Variants in CUBN observed in about 807,000 individuals in gnomAD.
CUBN encodes 460 kDa receptor.
In CUBN, 282 loss-of-function variants were observed where a neutral mutation model predicts 405.3. The observed-to-expected ratio is 0.70, with a 90% CI of 0.63 to 0.77. The LOEUF is 0.77. Among genes scored for constraint, CUBN ranks in the 30% least tolerant of loss-of-function variants. The pLI is 0.00. For synonymous variants in CUBN, 1,684 were observed against 1,617.0 expected, an observed-to-expected ratio of 1.04 and a Z score of -0.99; for missense variants, 4,514 against 4,475.2, an observed-to-expected ratio of 1.01 and a Z score of -0.25.
At position 16,919,765 on chromosome 10, in the gene CUBN, A is replaced by G. The variant is rs560394566; in HGVS notation, c.6821+198T>C. Among the ~76,000 whole-genome samples, 5 of 152,330 alleles carry G rather than the reference A, an allele frequency of 3.3e-5. No individual in the cohort carries two copies. In the East Asian group the frequency reaches 7.7e-4, roughly 24 times the overall value. ...AGTGTCTAGGGTCACAAGGGACAGT[A>G]TCCACGTACATAACCGGCTCAGCTG... On this transcript the variant is annotated intron_variant, in intron 44 of 66. Transcript: ENST00000377833.
intron 39 of CUBN, among the ~76,000 whole-genome samples, chr10:16,934,129 T>C (rs2131596370): frequency 6.6e-6 from 1 of 152,260 alleles, no homozygotes; most frequent in Middle Eastern, 3.4e-3. Flanking sequence ...ATGAGGCTAC[T>C]ACAAAGCTAG....
chr10:16,840,965 C>A lies in CUBN; in HGVS notation c.9746G>T (p.Gly3249Val). ...STVPAPFISS[G>V]NFLTVQFISD... ...GATGAATTGAACCGTAAGGAAGTTA[C>A]CAGAAGAGATAAAAGGAGCAGGTAC... Residue 3249 changes from glycine (G) to valine (V), a missense_variant, in exon 61 of 67, where the codon GGT (glycine) becomes GTT (valine). Around this residue, in one of 5 missense-constraint regions of CUBN, gnomAD observed 1,186 missense variants for 1,186.9 expected, o/e 1.00. Coordinates refer to ENST00000377833, the MANE Select transcript of CUBN (RefSeq NM_001081.4). The A allele has an allele frequency of 6.2e-7, 1 of 1,613,972 alleles. No individual in the cohort carries two copies.
intron 60 of CUBN, among the ~76,000 whole-genome samples, chr10:16,843,330 A>G (rs767546697): frequency 6.6e-6 from 1 of 152,248 alleles, no homozygotes; most frequent in Non-Finnish European, 1.5e-5. Context: ...TTCAATTCAT[A>G]ACAGAGCTAT....
At chr10:17,009,594 T>C (rs1466405463) in intron 28 of CUBN, among the ~76,000 whole-genome samples, 3 of 151,524 alleles carry the variant, frequency 2.0e-5, no homozygotes, top group African/African-American at 7.3e-5. Flanking sequence ...GCAAAATCAC[T>C]GCCCTCCCAA....
At chr10:17,128,041 CTAT>C in intron 2 of CUBN, 117 bp from the exon 3 acceptor site, 1 of 698,996 alleles carries the variant, frequency 1.4e-6, no homozygotes, top group East Asian at 2.7e-5. Context: ...AAGATCTTGC[CTAT>C]TATTATAAAA....
rs1377001829 is a variant in CUBN, at chr10:16,904,035, C to A, written c.7993G>T (p.Val2665Leu). ...TLPLVIPYSQ[V>L]WIHFVTNERV... ...TCGTTGGTGACAAAGTGAATCCATA[C>A]CTGAGAATAAGGTATAACCAATGGC... The change falls in exon 51 of 67, where the codon GTA becomes TTA. Residue 2665 changes from valine (V) to leucine (L), a missense_variant. Val to Leu is a conservative substitution (Grantham distance 32). Transcript: ENST00000377833. 6.2e-7 allele frequency: 1 copy of A among 1,613,290 alleles called. No homozygotes were observed. Among genetic ancestry groups the A allele is most frequent in the Non-Finnish European group, 8.5e-7 (1 of 1,179,434 alleles).
intron 31 of CUBN, among the ~76,000 whole-genome samples, chr10:16,962,807 A>T (rs1843272307): frequency 6.6e-6 from 1 of 152,180 alleles, no homozygotes; most frequent in Non-Finnish European, 1.5e-5. Flanking sequence ...GTACATTCAC[A>T]TGAGTGAGCC....
intron 22 of CUBN, among the ~76,000 whole-genome samples, chr10:17,059,790 A>T (rs1835463942): frequency 6.6e-6 from 1 of 152,202 alleles, no homozygotes; most frequent in Non-Finnish European, 1.5e-5. Flanking sequence ...TCCCTCTCAG[A>T]TGACCAGTGC....
chr10:16,916,146 C>A, intron 45 of CUBN, 116 bp from the exon 46 acceptor site: 1 of 900,848 alleles, frequency 1.1e-6, no homozygotes, highest in Admixed American at 2.4e-5. Context: ...TTTTAGGTGC[C>A]AAGTGACTCT....
At chr10:16,890,239 G>T in intron 55 of CUBN, 132 bp downstream of exon 55, 1 of 814,530 alleles carries the variant, frequency 1.2e-6, no homozygotes, top group South Asian at 1.4e-5. Flanking sequence ...TGTCTTCTTG[G>T]GATTAGGTGA....
chr10:17,013,039 T>G (rs774637916), intron 28 of CUBN, among the ~76,000 whole-genome samples: 1 of 152,208 alleles, frequency 6.6e-6, no homozygotes, highest in Non-Finnish European at 1.5e-5. Context: ...TTGTTTACAC[T>G]GACAACAAGG....
intron 3 of CUBN, 125 bp downstream of exon 3, chr10:17,127,704 G>A (rs1837230630): frequency 1.5e-6 from 1 of 660,508 alleles, no homozygotes; most frequent in East Asian, 2.6e-5. Flanking sequence ...TAACCAAACA[G>A]TGAGTAGTTA....
chr10:17,091,579 T>G (rs1191097768), intron 14 of CUBN, among the ~76,000 whole-genome samples: 1 of 152,128 alleles, frequency 6.6e-6, no homozygotes, highest in Non-Finnish European at 1.5e-5. Flanking sequence ...TAGGTCTCAA[T>G]GAATAACTCA....
intron 27 of CUBN, among the ~76,000 whole-genome samples, chr10:17,029,541 T>C (rs1330731389): frequency 6.6e-6 from 1 of 152,258 alleles, no homozygotes; most frequent in African/African-American, 2.4e-5. Flanking sequence ...TCATATCTGG[T>C]ATCAAGTTAT....
At chr10:17,030,919 AAAAAT>A (rs1195847807) in intron 27 of CUBN, among the ~76,000 whole-genome samples, 4 of 152,116 alleles carry the variant, frequency 2.6e-5, no homozygotes, top group Non-Finnish European at 5.9e-5. Context: ...ACTCTGTCTC[AAAAAT>A]AAAATAAAAT....
intron 56 of CUBN, among the ~76,000 whole-genome samples, chr10:16,877,922 T>C (rs1173383924): frequency 6.6e-6 from 1 of 152,224 alleles, no homozygotes; most frequent in African/African-American, 2.4e-5. Context: ...GACACCCATA[T>C]GGTAACCTAA....
rs1260284980 is a variant in CUBN at position 16,836,223 on chromosome 10, T to G, written c.10180+12A>C. Reference sequence around the variant, plus strand: ...AGCTTTTTTGAATAAAAGATGAAGTTCCTGGCCTCACCTGCAATCTGATAG... The same window carrying G: ...AGCTTTTTTGAATAAAAGATGAAGTGCCTGGCCTCACCTGCAATCTGATAG... On this transcript the variant is annotated intron_variant, in intron 63 of 66. Coordinates refer to ENST00000377833, the MANE Select transcript of CUBN (RefSeq NM_001081.4). The G allele has an allele frequency of 4.3e-6, 7 of 1,611,538 alleles. No homozygotes were observed. The highest frequency in any genetic ancestry group is 5.9e-6 in the Non-Finnish European group (7 of 1,177,656).
chr10:16,854,989 T>G (rs1191015247), intron 59 of CUBN, among the ~76,000 whole-genome samples: 2 of 144,210 alleles, frequency 1.4e-5, no homozygotes, highest in Admixed American at 6.9e-5. Context: ...TTTTCTTCCT[T>G]TCCTTTCCTT....
At chr10:16,830,877 A>G (rs1327407338) in intron 65 of CUBN, among the ~76,000 whole-genome samples, 1 of 152,154 alleles carries the variant, frequency 6.6e-6, no homozygotes, top group Non-Finnish European at 1.5e-5. Flanking sequence ...ACCTGAGTTC[A>G]GGAGTTTGAG....
Sources: allele counts gnomAD v4.1 joint callset (sites outside exome capture counted in the v4.1 genomes callset), GRCh38; gene constraint gnomAD v4.1.1; regional missense constraint gnomAD v4.1.1; transcripts MANE v1.5; gene names NCBI Gene and HGNC (gene_info 2026-07-23, HGNC 2026-07-21).